TMEM196: variants seen among roughly 807,000 people sequenced by gnomAD.
TMEM196 encodes transmembrane protein 196.
Under a neutral mutation model 20.0 loss-of-function variants are expected in TMEM196, and 17 were observed. The ratio of observed to expected loss-of-function variants is 0.85; its 90% CI spans 0.58 to 1.27. The LOEUF is 1.27. Ranked by LOEUF, TMEM196 falls within the 50% of genes most tolerant of loss-of-function variation. TMEM196 has a pLI of 0.00. For missense variants in TMEM196, 267 were observed against 223.0 expected, an observed-to-expected ratio of 1.20 and a Z score of -1.26; for synonymous variants, 113 against 88.9, an observed-to-expected ratio of 1.27 and a Z score of -1.52.
chr7:19,754,704 C>T (rs1785132032), intron 1 of TMEM196, among the ~76,000 whole-genome samples: 1 of 151,924 alleles, frequency 6.6e-6, no homozygotes, highest in African/African-American at 2.4e-5. Flanking sequence ...CAGAACAGAA[C>T]CTCTAGGTGG....
At position 19,724,265 on chromosome 7, in the gene TMEM196, T is replaced by G; in HGVS notation, c.533+15A>C. 1.9e-6 allele frequency: 3 copies of G among 1,550,144 alleles called. No individual in the cohort carries two copies. The highest frequency in any genetic ancestry group is 2.6e-6 in the Non-Finnish European group (3 of 1,146,654). The stretch of plus-strand genomic sequence containing the variant: ...GCGACATTACAACATGGTAACTCCC[T>G]AGAAATCAGCGTACCTTGTAGGTAA... On this transcript the variant is annotated intron_variant, in intron 4 of 4. Coordinates refer to ENST00000405844, the MANE Select transcript of TMEM196 (RefSeq NM_001363562.2).
chr7:19,730,888 A>G (rs905131062), intron 1 of TMEM196, among the ~76,000 whole-genome samples: 2 of 152,236 alleles, frequency 1.3e-5, no homozygotes, highest in Admixed American at 1.3e-4. Context: ...GACCTTTCAT[A>G]TTAATGGAAA....
intron 1 of TMEM196, among the ~76,000 whole-genome samples, chr7:19,743,890 A>G (rs1004038357): frequency 3.9e-5 from 6 of 152,198 alleles, no homozygotes; most frequent in African/African-American, 1.4e-4. Context: ...TTGAAAAGTA[A>G]TTATACATTT....
intron 1 of TMEM196, among the ~76,000 whole-genome samples, chr7:19,744,142 A>G (rs113685062): frequency 6.6e-6 from 1 of 152,170 alleles, no homozygotes; most frequent in African/African-American, 2.4e-5. Flanking sequence ...ATAGTTATGA[A>G]TGGTGGTTTC....
intron 1 of TMEM196, among the ~76,000 whole-genome samples, chr7:19,753,956 A>T (rs1785098388): frequency 6.6e-6 from 1 of 152,208 alleles, no homozygotes; most frequent in Non-Finnish European, 1.5e-5. Flanking sequence ...TCATGAAGTC[A>T]TCTATGACCC....
intron 2 of TMEM196, among the ~76,000 whole-genome samples, chr7:19,728,598 C>T (rs1206980285): frequency 1.3e-5 from 2 of 152,176 alleles, no homozygotes; most frequent in Non-Finnish European, 2.9e-5. Context: ...CCTTGGAAAA[C>T]TCTCTTTAGG....
intron 1 of TMEM196, among the ~76,000 whole-genome samples, chr7:19,738,900 C>A (rs996731020): frequency 1.3e-5 from 2 of 152,030 alleles, no homozygotes; most frequent in Non-Finnish European, 2.9e-5. Flanking sequence ...AAGTGTGAGC[C>A]ACACGTAATG....
In TMEM196 at chr7:19,729,407, C is replaced by T; in HGVS notation, c.179G>A (p.Cys60Tyr). Reference protein sequence around the residue: ...FLLCGICGILCAKKKSGLVMI... With the variant: ...FLLCGICGILYAKKKSGLVMI... ...GACAAGTCCTGATTTTTTTTTGGCA[C>T]ACAATATTCCACAAATGCCACAAAG... The change falls in exon 2 of 5, where the codon TGT becomes TAT. Residue 60 changes from cysteine (C) to tyrosine (Y), a missense_variant. Transcript: ENST00000405844. The T allele has an allele frequency of 6.5e-7, 1 of 1,549,356 alleles. No homozygotes were observed.
chr7:19,724,131 C>A, intron 4 of TMEM196, 149 bp downstream of exon 4: 1 of 721,582 alleles, frequency 1.4e-6, no homozygotes, highest in South Asian at 2.0e-5. Flanking sequence ...GTCAGCTCTG[C>A]AAAGTAAGCG....
At chr7:19,724,490 C>G (rs1050396523) in intron 3 of TMEM196, 137 bp from the exon 4 acceptor site, 2 of 752,668 alleles carry the variant, frequency 2.7e-6, no homozygotes, top group African/African-American at 3.5e-5. Flanking sequence ...TTTTAACAAT[C>G]ATTTCTTTAA....
chr7:19,731,514 TCTC>T (rs79874568), intron 1 of TMEM196, among the ~76,000 whole-genome samples: 2,040 of 152,316 alleles, frequency 0.013, 136 homozygotes, highest in Admixed American at 0.1. Context: ...AGCATACTCT[TCTC>T]CTTAAGTTTC....
intron 1 of TMEM196, among the ~76,000 whole-genome samples, chr7:19,765,525 T>C (rs1387984176): frequency 2.6e-5 from 4 of 152,208 alleles, no homozygotes; most frequent in Non-Finnish European, 5.9e-5. Context: ...TGTTAATTTG[T>C]ACTTTCACTT....
At chr7:19,737,384 C>A (rs954394228) in intron 1 of TMEM196, among the ~76,000 whole-genome samples, 1 of 151,940 alleles carries the variant, frequency 6.6e-6, no homozygotes. Context: ...AATGGTGTAG[C>A]CACTATGTAA....
intron 1 of TMEM196, among the ~76,000 whole-genome samples, chr7:19,765,297 A>G (rs1004135599): frequency 6.6e-6 from 1 of 152,168 alleles, no homozygotes; most frequent in African/African-American, 2.4e-5. Context: ...ATATTTAACA[A>G]TAGATTACGA....
chr7:19,772,697 C>T lies in TMEM196; in HGVS notation c.-1G>A. On this transcript the variant is annotated 5_prime_UTR_variant, in exon 1 of 5. Transcript: ENST00000405844. ...CAATAATCTGACCGCTGGTGCACAT[C>T]CTTCCTCGGTCATCTTCCTTCCAGA... The T allele has an allele frequency of 6.6e-7, 1 of 1,508,116 alleles. No homozygotes were observed. Among genetic ancestry groups the T allele is most frequent in the East Asian group, 2.6e-5 (1 of 38,254 alleles). The allele number at this position is 1,508,116 out of a possible 1,614,324, so 93.4% of individuals were successfully genotyped here. A position where few individuals can be genotyped will look rare whatever the true frequency, so the allele number is the denominator to read the frequency against.
rs192501049 is a variant in TMEM196 at position 19,719,702 on chromosome 7, C to A, written c.*2426G>T. Reference sequence around the variant, plus strand: ...TTGAACAATGTCTTCCTAACATCCCCCACTTATCTAAAAAAGAATCGCCGC... The same window carrying A: ...TTGAACAATGTCTTCCTAACATCCCACACTTATCTAAAAAAGAATCGCCGC... On this transcript the variant is annotated 3_prime_UTR_variant, in exon 5 of 5. Transcript: ENST00000405844. 2.5e-3 allele frequency: 381 copies of A among 152,176 alleles called. 3 individuals are homozygous for A. The highest frequency in any genetic ancestry group is 8.7e-3 in the African/African-American group (363 of 41,540). The allele number at this position is 152,176 out of a possible 1,614,324, so 9.4% of individuals were successfully genotyped here. A position where few individuals can be genotyped will look rare whatever the true frequency, so the allele number is the denominator to read the frequency against.
chr7:19,771,395 T>C (rs553160830), intron 1 of TMEM196, among the ~76,000 whole-genome samples: 30 of 152,252 alleles, frequency 2.0e-4, no homozygotes, highest in Non-Finnish European at 4.0e-4. Context: ...AAAAAATATA[T>C]AAATCTAATT....
chr7:19,744,460 C>G (rs1283328793), intron 1 of TMEM196, among the ~76,000 whole-genome samples: 1 of 152,144 alleles, frequency 6.6e-6, no homozygotes, highest in East Asian at 1.9e-4. Flanking sequence ...CCTGGAGTAA[C>G]AGTGTGCTTT....
chr7:19,750,293 A>T (rs530079163), intron 1 of TMEM196, among the ~76,000 whole-genome samples: 2 of 152,326 alleles, frequency 1.3e-5, no homozygotes, highest in East Asian at 3.9e-4. Context: ...TGATTTAATT[A>T]TACCACAATG....
Sources: gnomAD v4.1 joint callset for allele counts (sites outside exome capture counted in the v4.1 genomes callset) on GRCh38, gnomAD v4.1.1 for gene constraint, MANE v1.5 for transcripts, NCBI Gene and HGNC (gene_info 2026-07-23, HGNC 2026-07-21) for gene names.